Variants in ERCC6L2 observed in about 807,000 individuals in gnomAD.
ERCC6L2 encodes DNA excision repair protein ERCC-6-like 2.
ERCC6L2 carries 77 observed loss-of-function variants against 132.0 expected under a neutral mutation model. The observed-to-expected ratio is 0.58, with a 90% CI of 0.49 to 0.71. The LOEUF is 0.71. Among genes scored for constraint, ERCC6L2 ranks in the 30% least tolerant of loss-of-function variants. The pLI is 0.00. For missense variants in ERCC6L2, 1,542 were observed against 1,837.6 expected (o/e 0.84, Z 2.94); for synonymous variants, 583 against 632.4 (o/e 0.92, Z 1.17).
chr9:95,876,190 C>G, intron 1 of ERCC6L2, 106 bp downstream of exon 1: 1 of 1,031,384 alleles, frequency 9.7e-7, no homozygotes. Context: ...TGTAGATCCT[C>G]TTCAGTGACA....
intron 17 of ERCC6L2, among the ~76,000 whole-genome samples, chr9:95,984,061 A>C (rs1832992619): frequency 6.7e-6 from 1 of 149,708 alleles, no homozygotes; most frequent in South Asian, 2.1e-4. Flanking sequence ...CATGGGTTGA[A>C]TGTATCCTTC....
At chr9:96,032,339 G>T (rs1834470856) in intron 19 of ERCC6L2, among the ~76,000 whole-genome samples, 1 of 152,204 alleles carries the variant, frequency 6.6e-6, no homozygotes, top group African/African-American at 2.4e-5. Flanking sequence ...TCTACAAATG[G>T]AAACCACCCT....
chr9:95,957,197 G>T lies in ERCC6L2; in HGVS notation c.1947+1184G>T, dbSNP rs189534297. ...GATACTTGAGACAATCTGGAATAAG[G>T]TTCACGTGTAATCATAAATATTACA... is the stretch of plus-strand genomic sequence containing the variant. On this transcript the variant is annotated intron_variant, in intron 13 of 18. Coordinates refer to ENST00000653738, the MANE Select transcript of ERCC6L2 (RefSeq NM_020207.7). 2.2e-3 allele frequency among the ~76,000 whole-genome samples: 338 copies of T among 152,136 alleles called. 1 individual carries two copies. Among genetic ancestry groups the T allele is most frequent in the South Asian group, 3.5e-3 (17 of 4,812 alleles).
chr9:95,922,172 C>G, intron 7 of ERCC6L2, 133 bp from the exon 8 acceptor site: 1 of 526,754 alleles, frequency 1.9e-6, no homozygotes, highest in Non-Finnish European at 3.4e-6. Flanking sequence ...CAATAGTTGA[C>G]CATCATTTTC....
chr9:96,019,123 A>G (rs1032980664), downstream of ERCC6L2, among the ~76,000 whole-genome samples: 3 of 136,266 alleles, frequency 2.2e-5, no homozygotes, highest in Admixed American at 7.2e-5. Flanking sequence ...TCTGGCAACT[A>G]AAATTATTGG....
intron 17 of ERCC6L2, among the ~76,000 whole-genome samples, chr9:95,992,881 C>T (rs926304705): frequency 4.6e-5 from 7 of 152,010 alleles, no homozygotes; most frequent in South Asian, 2.1e-4. Flanking sequence ...GCCAGTGATA[C>T]GACATATAAC....
chr9:96,009,854 C>T (rs1833973025), intron 18 of ERCC6L2, among the ~76,000 whole-genome samples: 1 of 152,210 alleles, frequency 6.6e-6, no homozygotes, highest in Non-Finnish European at 1.5e-5. Flanking sequence ...GCTCTCCTCC[C>T]AGAGGTGACA....
intron 18 of ERCC6L2, among the ~76,000 whole-genome samples, chr9:96,011,182 CAAG>C (rs1222138040): frequency 6.6e-6 from 1 of 152,186 alleles, no homozygotes; most frequent in African/African-American, 2.4e-5. Flanking sequence ...TGGCCAACAA[CAAG>C]AAGTTAGCTG....
intron 18 of ERCC6L2, 76 bp downstream of exon 18, chr9:96,004,777 A>G: frequency 2.1e-6 from 2 of 943,030 alleles, no homozygotes; most frequent in South Asian, 1.5e-5. Context: ...AAATATGTAA[A>G]TACTTGAATT....
chr9:95,942,501 A>G (rs999463509), intron 12 of ERCC6L2, among the ~76,000 whole-genome samples: 5 of 152,120 alleles, frequency 3.3e-5, no homozygotes, highest in Admixed American at 3.3e-4. Flanking sequence ...GGTCTGGGAA[A>G]AAAAATGGAG....
At chr9:96,023,642 C>T (rs1834324650) in intron 19 of ERCC6L2, among the ~76,000 whole-genome samples, 1 of 152,236 alleles carries the variant, frequency 6.6e-6, no homozygotes, top group African/African-American at 2.4e-5. Flanking sequence ...TTTCTCAGCA[C>T]TGCGCTCCTC....
At chr9:96,033,067 T>C (rs1174089875) in intron 19 of ERCC6L2, among the ~76,000 whole-genome samples, 1 of 152,226 alleles carries the variant, frequency 6.6e-6, no homozygotes, top group Non-Finnish European at 1.5e-5. Context: ...CCTATAAATG[T>C]AATGTATTTG....
intron 17 of ERCC6L2, among the ~76,000 whole-genome samples, chr9:96,001,710 G>A (rs140331891): frequency 0.013 from 2,055 of 152,372 alleles, 61 homozygotes; most frequent in African/African-American, 0.048. Context: ...GTCCTGCGCC[G>A]TGTGCTCGCA....
At chr9:95,909,826 AT>A (rs1829259667) in intron 4 of ERCC6L2, among the ~76,000 whole-genome samples, 1 of 152,162 alleles carries the variant, frequency 6.6e-6, no homozygotes, top group Non-Finnish European at 1.5e-5. Context: ...ACTGTATTAT[AT>A]GGTTAACTGT....
chr9:96,028,380 C>G (rs147229199), intron 19 of ERCC6L2, among the ~76,000 whole-genome samples: 1 of 152,212 alleles, frequency 6.6e-6, no homozygotes, highest in East Asian at 1.9e-4. Flanking sequence ...TAGAGTGTGC[C>G]CTCTCCTGTG....
intron 12 of ERCC6L2, among the ~76,000 whole-genome samples, chr9:95,945,889 C>CT (rs138370393): frequency 1.3e-5 from 2 of 151,882 alleles, no homozygotes; most frequent in African/African-American, 4.8e-5. Flanking sequence ...TATGTTGAAA[C>CT]TTTTTTTAGA....
At chr9:95,958,626 A>C (rs916802611) in intron 13 of ERCC6L2, among the ~76,000 whole-genome samples, 2 of 152,084 alleles carry the variant, frequency 1.3e-5, no homozygotes, top group African/African-American at 4.8e-5. Flanking sequence ...GCATTTTTTC[A>C]TGAGTTTTTC....
intron 2 of ERCC6L2, among the ~76,000 whole-genome samples, chr9:95,894,269 T>C (rs1436677044): frequency 1.3e-5 from 2 of 152,200 alleles, no homozygotes; most frequent in Admixed American, 1.3e-4. Flanking sequence ...TTTTATACCA[T>C]TGTAAATTGA....
At chr9:96,004,949 TTCAG>T (rs1455035234) in intron 18 of ERCC6L2, 24 of 324,844 alleles carry the variant, frequency 7.4e-5, no homozygotes, top group Non-Finnish European at 1.3e-4. Flanking sequence ...ATTTTATTCA[TTCAG>T]TCAATGAATA....
Sources: gnomAD v4.1 joint callset for allele counts (sites outside exome capture counted in the v4.1 genomes callset) on GRCh38, gnomAD v4.1.1 for gene constraint, MANE v1.5 for transcripts, NCBI Gene and HGNC (gene_info 2026-07-23, HGNC 2026-07-21) for gene names.